The following TARS2 variants were observed in gnomAD, a reference collection of about 807,000 sequenced individuals.
TARS2 encodes threonine--tRNA ligase, mitochondrial.
A neutral mutation model predicts 94.4 loss-of-function variants in TARS2; 61 were observed. That is an observed-to-expected ratio of 0.65 (90% CI 0.53 to 0.80). TARS2 has a LOEUF of 0.80. TARS2 is among the 30% of genes least tolerant of loss of function. The probability of loss-of-function intolerance (pLI) is 0.00; values close to 1 mark genes in which losing one functional copy is unlikely to be tolerated. For synonymous variants in TARS2, 359 were observed against 353.4 expected (o/e 1.02, Z -0.18); for missense variants, 704 against 902.5 (o/e 0.78, Z 2.82).
At chr1:150,505,856 G>A in intron 17 of TARS2, 151 bp downstream of exon 17, 1 of 670,478 alleles carries the variant, frequency 1.5e-6, no homozygotes, top group East Asian at 2.8e-5. Context: ...ACTCATTTGG[G>A]CCCTGTGTTC....
In TARS2 at chr1:150,496,894, G is replaced by C. The variant is rs1406793382; in HGVS notation, c.1006G>C (p.Val336Leu). 4 of 1,613,978 alleles carry C rather than the reference G, an allele frequency of 2.5e-6. No individual in the cohort carries two copies. The East Asian group carries it at 8.9e-5, about 36-fold the overall frequency. ...AGGGACAAGGGTGTATAATGCACTA[G>C]TGGCGTTTATCAGGGTAAGGGGACC... ...PRGTRVYNALVAFIRAEYAHR... is the reference protein window; with the variant it reads ...PRGTRVYNALLAFIRAEYAHR... Residue 336 changes from valine to leucine, a missense_variant, in exon 9 of 18, where the codon GTG becomes CTG. Around this residue, in one of 3 missense-constraint regions of TARS2, gnomAD observed 466 missense variants for 609.5 expected, o/e 0.76. Transcript: ENST00000369064.
At chr1:150,495,095 C>A (rs1238007138) in intron 7 of TARS2, among the ~76,000 whole-genome samples, 11 of 151,872 alleles carry the variant, frequency 7.2e-5, no homozygotes, top group African/African-American at 2.7e-4. Context: ...AGGAGAATGG[C>A]GTGAACCCTG....
At position 150,487,868 on chromosome 1, in the gene TARS2, C is replaced by T. The variant is rs1172619680; in HGVS notation, c.77C>T (p.Ser26Leu). ...TATCTTTCCCTCCAGGCAGTTGTGTCGACCCCTCCACGCTGGTTGGCAGAG... is the reference window on the plus strand; with the variant it reads ...TATCTTTCCCTCCAGGCAGTTGTGTTGACCCCTCCACGCTGGTTGGCAGAG... ...QACRLHTAVV[S>L]TPPRWLAERL... Residue 26 changes from serine (S) to leucine (L), a missense_variant, in exon 2 of 18, where the codon TCG becomes TTG. Physicochemically the swap from Ser to Leu is moderately radical, Grantham distance 145. Transcript: ENST00000369064. 1 of 1,612,650 alleles carries T rather than the reference C, an allele frequency of 6.2e-7. No homozygotes were observed. Among genetic ancestry groups the T allele is most frequent in the African/African-American group, 1.3e-5 (1 of 74,888 alleles).
intron 13 of TARS2, among the ~76,000 whole-genome samples, chr1:150,500,676 C>T (rs1032931429): frequency 1.3e-5 from 2 of 151,966 alleles, no homozygotes; most frequent in Admixed American, 1.3e-4. Context: ...CACCTGAGGT[C>T]AGGGGTTTGA....
intron 13 of TARS2, among the ~76,000 whole-genome samples, chr1:150,501,739 G>A (rs923075913): frequency 3.3e-5 from 5 of 151,842 alleles, no homozygotes; most frequent in Admixed American, 6.6e-5. Flanking sequence ...GATCACTTGA[G>A]CCCAGGATTT....
Position 150,491,427 on chromosome 1 carries a change from G to A in TARS2, c.546G>A (p.Glu182=). The change falls in exon 5 of 18, where the codon GAG becomes GAA. Residue 182 remains glutamate (E), a synonymous_variant. Coordinates refer to ENST00000369064, the MANE Select transcript of TARS2 (RefSeq NM_025150.5). ...TIRGSELPVL[E]RICQELTAAA... Reference sequence around the variant, plus strand: ...GGGGCTCAGAGCTGCCTGTTTTGGAGCGGATTTGCCAGGAACTTACAGCTG... The same window carrying A: ...GGGGCTCAGAGCTGCCTGTTTTGGAACGGATTTGCCAGGAACTTACAGCTG... 6.2e-7 allele frequency: 1 copy of A among 1,613,542 alleles called. No individual in the cohort carries two copies. The highest frequency in any genetic ancestry group is 8.5e-7 in the Non-Finnish European group (1 of 1,180,042).
chr1:150,503,710 C>T (rs77257036), intron 13 of TARS2, among the ~76,000 whole-genome samples: 65,716 of 130,560 alleles, frequency 0.5, 15,058 homozygotes, highest in African/African-American at 0.52. Flanking sequence ...TGTATATATA[C>T]ACACACACAC....
chr1:150,502,238 C>T (rs202143271), intron 13 of TARS2, among the ~76,000 whole-genome samples: 1 of 122,046 alleles, frequency 8.2e-6, no homozygotes, highest in East Asian at 2.1e-4. Context: ...TTGTTTTTTT[C>T]CCCGAGACAG....
chr1:150,504,485 G>A (rs1670106740), intron 14 of TARS2, 50 bp downstream of exon 14: 1 of 1,600,814 alleles, frequency 6.2e-7, no homozygotes, highest in South Asian at 1.1e-5. Context: ...CATGGAATAA[G>A]TCCTTCTGCC....
chr1:150,492,468 T>C lies in TARS2; in HGVS notation c.753T>C (p.Ile251=). Residue 251 remains isoleucine (I), a synonymous_variant, in exon 7 of 18, where the codon ATT becomes ATC. Transcript: ENST00000369064. ...QGPHLRHTGQ[I]GGLKLLSNSS... ...CCCACCTTCGGCATACTGGACAGATTGGAGGACTGAAGCTGCTATCGGTCA... is the reference window on the plus strand; with the variant it reads ...CCCACCTTCGGCATACTGGACAGATCGGAGGACTGAAGCTGCTATCGGTCA... 1 of 1,613,826 alleles carries C rather than the reference T, an allele frequency of 6.2e-7. No individual in the cohort carries two copies. The highest frequency in any genetic ancestry group is 8.5e-7 in the Non-Finnish European group (1 of 1,179,884).
At chr1:150,505,278 G>T (rs1318476614) in intron 16 of TARS2, among the ~76,000 whole-genome samples, 1 of 152,206 alleles carries the variant, frequency 6.6e-6, no homozygotes, top group East Asian at 1.9e-4. Context: ...TTCCTTTCTA[G>T]AGAGAATTGA....
intron 10 of TARS2, among the ~76,000 whole-genome samples, chr1:150,498,009 C>T (rs1007521058): frequency 1.3e-5 from 2 of 150,414 alleles, no homozygotes; most frequent in Non-Finnish European, 2.9e-5. Context: ...AGGCTAATGG[C>T]GTGAACCCAG....
At chr1:150,496,950 G>A (rs1421732099) in intron 9 of TARS2, 42 bp downstream of exon 9, 3 of 1,586,554 alleles carry the variant, frequency 1.9e-6, no homozygotes, top group Non-Finnish European at 2.6e-6. Flanking sequence ...CCAGGGAGGG[G>A]CTGAGGGACT....
intron 13 of TARS2, among the ~76,000 whole-genome samples, chr1:150,499,667 CAAAG>C (rs1170972084): frequency 6.6e-6 from 1 of 152,086 alleles, no homozygotes; most frequent in Non-Finnish European, 1.5e-5. Context: ...CACCCGGCCA[CAAAG>C]AAATATTTTT....
At chr1:150,498,475 C>T in intron 10 of TARS2, 27 bp from the exon 11 acceptor site, 3 of 1,545,334 alleles carry the variant, frequency 1.9e-6, no homozygotes, top group Middle Eastern at 1.9e-4. Context: ...TCCCTATGGC[C>T]CTGACCCCTC....
rs752731834 is a variant in TARS2 at position 150,505,648 on chromosome 1, C to G, written c.1951C>G (p.Leu651Val). The G allele has an allele frequency of 1.2e-6, 2 of 1,614,214 alleles. No homozygotes were observed. Among genetic ancestry groups the G allele is most frequent in the South Asian group, 2.2e-5 (2 of 91,084 alleles). Residue 651 changes from leucine to valine, a missense_variant, in exon 17 of 18, where the codon CTG becomes GTG. By Grantham distance (32) the Leu-to-Val change is conservative. Around this residue, in one of 3 missense-constraint regions of TARS2, gnomAD observed 466 missense variants for 609.5 expected, o/e 0.76. Transcript: ENST00000369064. ...LVSDLDADSG[L>V]TLSRRIRRAQ... The stretch of plus-strand genomic sequence containing the variant: ...CAGTGACCTGGATGCAGACTCTGGA[C>G]TGACCCTCAGCCGGAGAATCCGCCG...
At position 150,491,510 on chromosome 1, in the gene TARS2, A is replaced by G; in HGVS notation, c.629A>G (p.Lys210Arg). 1 of 1,614,206 alleles carries G rather than the reference A, an allele frequency of 6.2e-7. No homozygotes were observed. Among genetic ancestry groups the G allele is most frequent in the Non-Finnish European group, 8.5e-7 (1 of 1,180,030 alleles). ...ASRDQLRQLF[K>R]DNPFKLHLIE... is the part of the protein sequence containing the mutation. ...CGGGATCAGCTTCGCCAGTTGTTCAAGGTGGGGTGGAGGGAAGAGGTGGCT... is the reference window on the plus strand; with the variant it reads ...CGGGATCAGCTTCGCCAGTTGTTCAGGGTGGGGTGGAGGGAAGAGGTGGCT... Residue 210 changes from lysine to arginine, a missense_variant and splice_region_variant, in exon 5 of 18, where the codon AAG becomes AGG. By Grantham distance (26) the Lys-to-Arg change is conservative. Transcript: ENST00000369064.
chr1:150,492,809 CAAAA>C (rs750302051), intron 7 of TARS2, among the ~76,000 whole-genome samples: 19 of 67,274 alleles, frequency 2.8e-4, no homozygotes, highest in African/African-American at 9.3e-4. Flanking sequence ...GAGTCCATCT[CAAAA>C]AAAAAAAAAA....
intron 11 of TARS2, 48 bp from the exon 12 acceptor site, chr1:150,498,849 G>C (rs1317836664): frequency 6.2e-7 from 1 of 1,612,638 alleles, no homozygotes. Flanking sequence ...CAGCATCCCT[G>C]ATCTCTAGCG....
Sources: allele counts gnomAD v4.1 joint callset (sites outside exome capture counted in the v4.1 genomes callset), GRCh38; gene constraint gnomAD v4.1.1; regional missense constraint gnomAD v4.1.1; transcripts MANE v1.5; gene names NCBI Gene and HGNC (gene_info 2026-07-23, HGNC 2026-07-21).